Variants in RHEB observed in about 807,000 individuals in gnomAD.
RHEB encodes GTP-binding protein Rheb.
RHEB carries 2 observed loss-of-function variants against 28.8 expected under a neutral mutation model. The observed-to-expected ratio is 0.07, with a 90% CI of 0.03 to 0.22. The LOEUF is 0.22. Ranked by LOEUF, RHEB falls within the 10% of genes least tolerant of loss-of-function variation. The pLI is 1.00. For synonymous variants in RHEB, 69 were observed against 77.3 expected (o/e 0.89, Z 0.56); for missense variants, 76 against 219.9 (o/e 0.35, Z 4.14).
rs538182564 is a variant in RHEB at position 151,518,085 on chromosome 7, T to C, written c.52+1375A>G. The C allele has an allele frequency of 2.6e-5, 4 of 152,344 alleles. No homozygotes were observed. In the South Asian group the frequency reaches 6.2e-4, roughly 24 times the overall value. The allele number at this position is 152,344 out of a possible 1,614,324, so 9.4% of individuals were successfully genotyped here. A position where few individuals can be genotyped will look rare whatever the true frequency, so the allele number is the denominator to read the frequency against. On this transcript the variant is annotated intron_variant, in intron 1 of 7. Transcript: ENST00000262187. Reference sequence around the variant, plus strand: ...ACCCCTCCATTTGATTCATGGTTACTTCCTGGCTGCAGCTGTTAAAGCTGC... The same window carrying C: ...ACCCCTCCATTTGATTCATGGTTACCTCCTGGCTGCAGCTGTTAAAGCTGC...
chr7:151,470,021 T>C (rs1175164800), intron 7 of RHEB, among the ~76,000 whole-genome samples: 1 of 152,148 alleles, frequency 6.6e-6, no homozygotes, highest in Non-Finnish European at 1.5e-5. Context: ...AGAGAAGGGC[T>C]CATACAGGAC....
chr7:151,470,791 A>G (rs1313635087), intron 6 of RHEB, 139 bp from the exon 7 acceptor site: 5 of 600,782 alleles, frequency 8.3e-6, no homozygotes, highest in Middle Eastern at 4.5e-4. Flanking sequence ...TAACATTAGC[A>G]TCAAGAATGT....
intron 1 of RHEB, among the ~76,000 whole-genome samples, chr7:151,495,312 A>T (rs899296199): frequency 6.6e-6 from 1 of 152,242 alleles, no homozygotes. Flanking sequence ...CACTCATTTA[A>T]TGACATAAAT....
rs992731208 is a variant in RHEB, at chr7:151,468,440, C to T, written c.463-1229G>A. ...CCGTAAACGCTGCCCAGGGAAAACA[C>T]ACACCGCTCACTGCTGACCTCACAC... On this transcript the variant is annotated intron_variant, in intron 7 of 7. Coordinates refer to ENST00000262187, the MANE Select transcript of RHEB (RefSeq NM_005614.4). The surrounding 1 kb of genome is among the most constrained non-coding windows in gnomAD (Gnocchi z 4.3). Among the ~76,000 whole-genome samples the T allele has an allele frequency of 3.8e-4, 58 of 152,356 alleles. No homozygotes were observed. The highest frequency in any genetic ancestry group is 1.3e-3 in the African/African-American group (54 of 41,584).
At chr7:151,480,047 G>A (rs951340221) in intron 3 of RHEB, among the ~76,000 whole-genome samples, 1 of 152,180 alleles carries the variant, frequency 6.6e-6, no homozygotes, top group African/African-American at 2.4e-5. Flanking sequence ...TATCAGATTG[G>A]TAAGTACCAA....
chr7:151,498,822 C>T (rs1262828099), intron 1 of RHEB, among the ~76,000 whole-genome samples: 3 of 152,188 alleles, frequency 2.0e-5, no homozygotes, highest in East Asian at 1.9e-4. Context: ...ACTCTCCAGT[C>T]GTCCTTTCTC....
chr7:151,511,491 C>CTT (rs1168379842), intron 1 of RHEB, among the ~76,000 whole-genome samples: 1 of 152,044 alleles, frequency 6.6e-6, no homozygotes, highest in Non-Finnish European at 1.5e-5. Context: ...CCCATAAGAG[C>CTT]ACAACGTAAA....
At chr7:151,476,672 G>A (rs1448252274) in intron 4 of RHEB, among the ~76,000 whole-genome samples, 1 of 152,194 alleles carries the variant, frequency 6.6e-6, no homozygotes, top group African/African-American at 2.4e-5. Flanking sequence ...ATGCTACGTA[G>A]CCACCAAACG....
intron 4 of RHEB, 38 bp from the exon 5 acceptor site, chr7:151,471,643 A>G: frequency 7.3e-7 from 1 of 1,371,146 alleles, no homozygotes; most frequent in Non-Finnish European, 1.0e-6. Flanking sequence ...ATCCATTTTA[A>G]TGTTGAAGTT....
At chr7:151,503,763 GAA>G (rs58779947) in intron 1 of RHEB, among the ~76,000 whole-genome samples, 8 of 119,660 alleles carry the variant, frequency 6.7e-5, no homozygotes, top group South Asian at 6.8e-4. Context: ...TGTATTTTAT[GAA>G]AAAAAAAAAA....
At chr7:151,487,335 G>A (rs1202835426) in intron 2 of RHEB, among the ~76,000 whole-genome samples, 1 of 152,138 alleles carries the variant, frequency 6.6e-6, no homozygotes, top group Non-Finnish European at 1.5e-5. Flanking sequence ...ATAAAGCCCA[G>A]AGCTGGGGGG....
intron 4 of RHEB, among the ~76,000 whole-genome samples, chr7:151,474,401 G>A (rs947268086): frequency 1.3e-5 from 2 of 152,100 alleles, no homozygotes; most frequent in African/African-American, 4.8e-5. Flanking sequence ...GGCTGGTCTC[G>A]AACTCCTGAC....
intron 2 of RHEB, among the ~76,000 whole-genome samples, chr7:151,489,549 ATATTT>A (rs1802541394): frequency 6.6e-6 from 1 of 152,224 alleles, no homozygotes; most frequent in Admixed American, 6.5e-5. Flanking sequence ...GGACAGCCAA[ATATTT>A]TAAGCGAGGG....
chr7:151,506,682 C>A (rs1043700351), intron 1 of RHEB, among the ~76,000 whole-genome samples: 5 of 152,116 alleles, frequency 3.3e-5, no homozygotes, highest in African/African-American at 1.2e-4. Flanking sequence ...ACTAAAGCCT[C>A]AAAATAACAC....
At chr7:151,503,901 A>T (rs1192692829) in intron 1 of RHEB, among the ~76,000 whole-genome samples, 1 of 152,194 alleles carries the variant, frequency 6.6e-6, no homozygotes, top group East Asian at 1.9e-4. Flanking sequence ...AAATTGCTGC[A>T]TTTCGCAGTG....
chr7:151,472,836 A>G lies in RHEB; in HGVS notation c.276-1231T>C, dbSNP rs1802187345. ...GTGCTGTCATTTGATAAAAACAAAA[A>G]TGAAATTTAACCCCCCTACAAGCTC... On this transcript the variant is annotated intron_variant, in intron 4 of 7. Coordinates refer to ENST00000262187, the MANE Select transcript of RHEB (RefSeq NM_005614.4). The surrounding 1 kb of genome is among the most constrained non-coding windows in gnomAD (Gnocchi z 5.2). 6.6e-6 allele frequency among the ~76,000 whole-genome samples: 1 copy of G among 152,248 alleles called. No individual in the cohort carries two copies. Among genetic ancestry groups the G allele is most frequent in the African/African-American group, 2.4e-5 (1 of 41,466 alleles).
At chr7:151,511,656 T>G (rs1258017237) in intron 1 of RHEB, among the ~76,000 whole-genome samples, 1 of 151,184 alleles carries the variant, frequency 6.6e-6, no homozygotes. Context: ...CTTTAAAATG[T>G]TAGATTTCTT....
intron 1 of RHEB, chr7:151,502,741 G>C: frequency 6.4e-7 from 1 of 1,557,972 alleles, no homozygotes; most frequent in Non-Finnish European, 8.9e-7. Flanking sequence ...CGTTTTGCCC[G>C]TTTAAAAATG....
intron 2 of RHEB, 82 bp downstream of exon 2, chr7:151,490,861 T>G: frequency 4.7e-6 from 5 of 1,060,666 alleles, no homozygotes; most frequent in Non-Finnish European, 7.4e-6. Context: ...CCTCCTGCAC[T>G]CAAAGCCTCC....
Sources: allele counts gnomAD v4.1 joint callset (sites outside exome capture counted in the v4.1 genomes callset), GRCh38; gene constraint gnomAD v4.1.1; non-coding constraint Gnocchi (gnomAD v3.1); transcripts MANE v1.5; gene names NCBI Gene and HGNC (gene_info 2026-07-23, HGNC 2026-07-21).